Variants in USP24 observed in about 807,000 individuals in gnomAD.
USP24 encodes ubiquitin specific peptidase 24, also known as ubiquitin carboxyl-terminal hydrolase 24.
In USP24, 97 loss-of-function variants were observed where a neutral mutation model predicts 361.6. The observed-to-expected ratio is 0.27, with a 90% CI of 0.23 to 0.32. The LOEUF (loss-of-function observed/expected upper bound fraction) is 0.32. USP24 is among the 10% of genes least tolerant of loss of function. The pLI is 1.00. For missense variants in USP24, 2,353 were observed against 3,165.6 expected, an observed-to-expected ratio of 0.74 and a Z score of 6.16; for synonymous variants, 1,098 against 1,124.6, an observed-to-expected ratio of 0.98 and a Z score of 0.47.
chr1:55,076,666 A>G (rs1645036477), intron 62 of USP24, among the ~76,000 whole-genome samples: 1 of 152,178 alleles, frequency 6.6e-6, no homozygotes, highest in Non-Finnish European at 1.5e-5. Context: ...ATGGTCTTCT[A>G]GTTCCCAATC....
In USP24 at chr1:55,075,489, T is replaced by A; in HGVS notation, c.7415A>T (p.Lys2472Ile). ...IEDPIQVERV[K>I]FVFETENGLL... ...TCCATTTTCTGTCTCAAACACAAAT[T>A]TGACTCGCTCTACTTGTATAGGATC... The change falls in exon 63 of 68, where the codon AAA (lysine) becomes ATA (isoleucine). Residue 2472 changes from lysine to isoleucine, a missense_variant. This residue lies in a region of USP24 where 598 missense variants were observed against 761.9 expected (regional missense o/e 0.78). Transcript: ENST00000294383. The A allele has an allele frequency of 6.2e-7, 1 of 1,605,060 alleles. No individual in the cohort carries two copies. The highest frequency in any genetic ancestry group is 1.7e-5 in the Admixed American group (1 of 58,546).
At chr1:55,090,170 T>A (rs1231076246) in intron 54 of USP24, among the ~76,000 whole-genome samples, 1 of 152,156 alleles carries the variant, frequency 6.6e-6, no homozygotes, top group African/African-American at 2.4e-5. Flanking sequence ...ATTAATATCC[T>A]ACCTTATGGA....
chr1:55,188,914 C>T (rs149437562), intron 1 of USP24, among the ~76,000 whole-genome samples: 286 of 136,832 alleles, frequency 2.1e-3, no homozygotes, highest in African/African-American at 7.2e-3. Flanking sequence ...GAGCAGAGAT[C>T]GCGCCACCCA....
chr1:55,151,418 A>C (rs1647187514), intron 16 of USP24, among the ~76,000 whole-genome samples: 1 of 152,204 alleles, frequency 6.6e-6, no homozygotes, highest in Non-Finnish European at 1.5e-5. Flanking sequence ...TGGTAAGTAG[A>C]GGCAACTCAG....
intron 67 of USP24, among the ~76,000 whole-genome samples, chr1:55,070,407 G>T (rs1440323665): frequency 1.3e-5 from 2 of 152,138 alleles, no homozygotes; most frequent in East Asian, 3.9e-4. Context: ...CAGCCAGAAG[G>T]GTTTGAGGAA....
intron 54 of USP24, among the ~76,000 whole-genome samples, chr1:55,091,481 C>G (rs192257785): frequency 6.6e-6 from 1 of 152,182 alleles, no homozygotes; most frequent in African/African-American, 2.4e-5. Context: ...GGACATACTT[C>G]CCTGTTCAAA....
At chr1:55,175,723 C>T (rs1649917332) in intron 3 of USP24, among the ~76,000 whole-genome samples, 1 of 152,160 alleles carries the variant, frequency 6.6e-6, no homozygotes, top group African/African-American at 2.4e-5. Flanking sequence ...TTAACAGACA[C>T]AGTCCTTGCT....
chr1:55,171,847 T>C (rs990035449), intron 4 of USP24, among the ~76,000 whole-genome samples, 169 bp from the exon 5 acceptor site: 18 of 152,202 alleles, frequency 1.2e-4, no homozygotes, highest in Non-Finnish European at 2.5e-4. Context: ...TAAGAATTAA[T>C]GTGCTATTCT....
At chr1:55,085,412 T>C (rs538517758) in intron 56 of USP24, among the ~76,000 whole-genome samples, 51 of 152,228 alleles carry the variant, frequency 3.4e-4, no homozygotes, top group Non-Finnish European at 3.4e-4. Flanking sequence ...GTTGTGAAAA[T>C]AACATTTTTC....
At chr1:55,202,246 A>G (rs1200607686) in intron 1 of USP24, among the ~76,000 whole-genome samples, 1 of 152,214 alleles carries the variant, frequency 6.6e-6, no homozygotes, top group Non-Finnish European at 1.5e-5. Flanking sequence ...TCAAACCTGC[A>G]AGTATATAAT....
At chr1:55,074,762 A>G (rs553978615) in intron 63 of USP24, among the ~76,000 whole-genome samples, 36 of 152,256 alleles carry the variant, frequency 2.4e-4, no homozygotes, top group African/African-American at 8.4e-4. Flanking sequence ...GGCTCTGACT[A>G]GAGTACAGCG....
rs1644927325 is a variant in USP24 at position 55,071,863 on chromosome 1, C to T, written c.7751G>A (p.Gly2584Glu). The T allele has an allele frequency of 6.2e-7, 1 of 1,613,388 alleles. No homozygotes were observed. The highest frequency in any genetic ancestry group is 1.3e-5 in the African/African-American group (1 of 74,926). ...CTCATTGGCAGGACTACTCTCCGAC[C>T]CATTACTGCTTCCTGATTGCTCTTT... ...NEKEQSGSSN[G>E]SESSPANENG... Residue 2584 changes from glycine to glutamate, a missense_variant, in exon 67 of 68, where the codon GGG becomes GAG. This residue lies in a region of USP24 where 53 missense variants were observed against 57.7 expected (regional missense o/e 0.92). Coordinates refer to ENST00000294383, the MANE Select transcript of USP24 (RefSeq NM_015306.3).
chr1:55,155,711 C>T (rs76732695), intron 12 of USP24, among the ~76,000 whole-genome samples: 2,298 of 152,206 alleles, frequency 0.015, 62 homozygotes, highest in African/African-American at 0.053. Flanking sequence ...CTTCCTGTTA[C>T]GTTCTGCCAA....
At chr1:55,089,888 TTAA>T (rs745396797) in intron 54 of USP24, 148 bp from the exon 55 acceptor site, 74 of 566,646 alleles carry the variant, frequency 1.3e-4, no homozygotes, top group Admixed American at 1.0e-4. Context: ...TAAGAGATAC[TTAA>T]TGACTGCCCA....
intron 55 of USP24, among the ~76,000 whole-genome samples, chr1:55,087,530 G>A (rs1022733192): frequency 6.6e-6 from 1 of 152,170 alleles, no homozygotes; most frequent in Non-Finnish European, 1.5e-5. Context: ...AGATATTTTG[G>A]AATCAAACTA....
rs902291806 is a variant in USP24, at chr1:55,137,766, T to C, written c.3027+40A>G. On this transcript the variant is annotated intron_variant, in intron 27 of 67. Transcript: ENST00000294383. ...CATATCAGGCTAAATATTTATATTA[T>C]ATCATTTATTATTCATCAAAACTGC... is the stretch of plus-strand genomic sequence containing the variant. 11 of 1,541,974 alleles carry C rather than the reference T, an allele frequency of 7.1e-6. No individual in the cohort carries two copies. The African/African-American group carries it at 1.2e-4, about 17-fold the overall frequency.
chr1:55,147,545 A>C (rs986607427), intron 18 of USP24, 104 bp downstream of exon 18: 25 of 1,272,702 alleles, frequency 2.0e-5, no homozygotes, highest in Non-Finnish European at 2.5e-5. Context: ...TACCTCATAC[A>C]ACCTCTTTAT....
At chr1:55,138,052 G>A (rs1646787307) in intron 26 of USP24, 148 bp from the exon 27 acceptor site, 1 of 719,100 alleles carries the variant, frequency 1.4e-6, no homozygotes, top group African/African-American at 1.8e-5. Flanking sequence ...CTGCCCTCGT[G>A]AGGCTTCCCT....
At chr1:55,094,302 T>C (rs955644681) in intron 51 of USP24, among the ~76,000 whole-genome samples, 3 of 152,194 alleles carry the variant, frequency 2.0e-5, no homozygotes, top group Non-Finnish European at 2.9e-5. Context: ...GGAGAACTGA[T>C]TGACATTATA....
Sources: gnomAD v4.1 joint callset for allele counts (sites outside exome capture counted in the v4.1 genomes callset) on GRCh38, gnomAD v4.1.1 for gene constraint, gnomAD v4.1.1 regional missense constraint, MANE v1.5 for transcripts, NCBI Gene and HGNC (gene_info 2026-07-23, HGNC 2026-07-21) for gene names.